The following RALY variants were observed in gnomAD, a reference collection of about 807,000 sequenced individuals.
RALY encodes the protein RNA-binding protein Raly.
A neutral mutation model predicts 30.7 loss-of-function variants in RALY; 15 were observed. That is an observed-to-expected ratio of 0.49 (90% CI 0.33 to 0.75). The LOEUF is 0.75. Ranked by LOEUF, RALY falls within the 30% of genes least tolerant of loss-of-function variation. RALY has a pLI of 0.02. For missense variants in RALY, 339 were observed against 414.3 expected, an observed-to-expected ratio of 0.82 and a Z score of 1.58; for synonymous variants, 177 against 170.8, an observed-to-expected ratio of 1.04 and a Z score of -0.28.
At chr20:34,023,177 C>T (rs1568661031) in intron 1 of RALY, among the ~76,000 whole-genome samples, 3 of 152,162 alleles carry the variant, frequency 2.0e-5, no homozygotes, top group Admixed American at 1.3e-4. Context: ...GTAATTTTTT[C>T]CCCTCATTTA....
intron 1 of RALY, among the ~76,000 whole-genome samples, chr20:33,998,749 G>A (rs2030761631): frequency 6.6e-6 from 1 of 152,204 alleles, no homozygotes; most frequent in South Asian, 2.1e-4. Context: ...ACTGTGGGCA[G>A]AGAGACCAGT....
intron 2 of RALY, among the ~76,000 whole-genome samples, chr20:34,032,505 TG>T (rs2032321761): frequency 3.0e-5 from 2 of 67,180 alleles, no homozygotes; most frequent in Non-Finnish European, 5.4e-5. Context: ...TCCCTTTTTG[TG>T]TGTTGGGGGG....
chr20:33,995,751 CTG>C (rs1303289869), intron 1 of RALY, among the ~76,000 whole-genome samples: 2 of 152,204 alleles, frequency 1.3e-5, no homozygotes, highest in African/African-American at 4.8e-5. Flanking sequence ...TCCCTGTTAA[CTG>C]AACCTTGGAA....
At chr20:33,998,609 CAGGAAAGGGCCTT>C (rs2122961979) in intron 1 of RALY, among the ~76,000 whole-genome samples, 1 of 152,192 alleles carries the variant, frequency 6.6e-6, no homozygotes, top group East Asian at 1.9e-4. Context: ...GAGGCCAAGT[CAGGAAAGGGCCTT>C]CTTGCCTGTG....
chr20:34,042,770 A>G (rs922684531), intron 2 of RALY, among the ~76,000 whole-genome samples: 3 of 152,232 alleles, frequency 2.0e-5, no homozygotes, highest in Non-Finnish European at 2.9e-5. Flanking sequence ...TATTAAAGGT[A>G]TATACCTTCT....
chr20:34,058,341 A>G (rs545468254), intron 2 of RALY, among the ~76,000 whole-genome samples: 2 of 152,284 alleles, frequency 1.3e-5, no homozygotes, highest in East Asian at 3.9e-4. Flanking sequence ...ATACCGTATT[A>G]CATGCTAATG....
rs1043554900 is a variant in RALY, at chr20:34,081,278, C to T, written c.*1373C>T. 1.3e-5 allele frequency: 2 copies of T among 152,180 alleles called. No homozygotes were observed. The highest frequency in any genetic ancestry group is 2.9e-5 in the Non-Finnish European group (2 of 68,122). The allele number at this position is 152,180 out of a possible 1,614,324, so 9.4% of individuals were successfully genotyped here. On this transcript the variant is annotated 3_prime_UTR_variant, in exon 10 of 10. Coordinates refer to ENST00000246194, the MANE Select transcript of RALY (RefSeq NM_016732.3). ...GTATGGAGCTGTGGGAGGGCAGCAC[C>T]CAGAAATAGGCTTTGTTCCAGGCCT...
chr20:34,054,814 T>C (rs568259853), intron 2 of RALY, among the ~76,000 whole-genome samples: 1 of 135,792 alleles, frequency 7.4e-6, no homozygotes, highest in South Asian at 2.2e-4. Context: ...TGAGACTGTC[T>C]CAAAAAAAAA....
chr20:34,022,448 C>T (rs1205680084), intron 1 of RALY, among the ~76,000 whole-genome samples: 2 of 152,144 alleles, frequency 1.3e-5, no homozygotes, highest in Non-Finnish European at 2.9e-5. Flanking sequence ...TACCTTTCCC[C>T]TCCATAACTG....
At chr20:34,073,436 C>G (rs1024093682) in intron 3 of RALY, 127 bp from the exon 4 acceptor site, 9 of 834,602 alleles carry the variant, frequency 1.1e-5, no homozygotes, top group Non-Finnish European at 2.0e-6. Flanking sequence ...TTTGTTGGCA[C>G]CATCAGTGAG....
At chr20:34,056,987 A>G (rs898718162) in intron 2 of RALY, among the ~76,000 whole-genome samples, 1 of 152,244 alleles carries the variant, frequency 6.6e-6, no homozygotes. Flanking sequence ...ATTGTTTATA[A>G]TAGTGAGAAA....
chr20:34,057,031 TATGATAA>T lies in RALY; in HGVS notation c.-9-15032_-9-15026del, dbSNP rs1351663014. 9.8e-5 allele frequency among the ~76,000 whole-genome samples: 15 copies of T among 152,310 alleles called. No individual in the cohort carries two copies. The East Asian group carries it at 1.7e-3, about 18-fold the overall frequency. On this transcript the variant is annotated intron_variant, in intron 2 of 9. Transcript: ENST00000246194. ...AGCCTAAAAGACCACCAATCTAAACTATGATAAATCTACTCAGGGAAAACCACGAGCT... is the reference window on the plus strand; with the variant it reads ...AGCCTAAAAGACCACCAATCTAAACTATCTACTCAGGGAAAACCACGAGCT...
intron 1 of RALY, among the ~76,000 whole-genome samples, chr20:33,995,590 T>A (rs1284643345): frequency 6.6e-6 from 1 of 152,166 alleles, no homozygotes; most frequent in African/African-American, 2.4e-5. Flanking sequence ...CTGGGCCAGG[T>A]CTTGAGGAGT....
chr20:34,029,866 T>A (rs2032204482), intron 1 of RALY: 1 of 152,296 alleles, frequency 6.6e-6, no homozygotes, highest in African/African-American at 2.4e-5. Flanking sequence ...TTGGAGCAAC[T>A]TTCATTCCCT....
chr20:33,996,750 C>T (rs1305132827), intron 1 of RALY, among the ~76,000 whole-genome samples: 1 of 152,114 alleles, frequency 6.6e-6, no homozygotes, highest in East Asian at 1.9e-4. Flanking sequence ...ATTATCTTCC[C>T]CAACTGAAAT....
chr20:34,024,751 A>G (rs1004348995), intron 1 of RALY, among the ~76,000 whole-genome samples: 6 of 152,042 alleles, frequency 3.9e-5, no homozygotes, highest in Admixed American at 1.3e-4. Flanking sequence ...TGCATTTTTT[A>G]TTATGTTGTG....
intron 2 of RALY, among the ~76,000 whole-genome samples, chr20:34,050,593 C>T (rs567734222): frequency 7.9e-5 from 12 of 152,324 alleles, no homozygotes; most frequent in African/African-American, 2.6e-4. Flanking sequence ...GTGTCTGTGC[C>T]TAGGCCCTTG....
chr20:34,047,777 C>T (rs995285769), intron 2 of RALY, among the ~76,000 whole-genome samples: 3 of 152,182 alleles, frequency 2.0e-5, no homozygotes, highest in Non-Finnish European at 2.9e-5. Flanking sequence ...AGGTGCCACA[C>T]AGTACCAGAT....
rs1555810268 is a variant in RALY at position 34,077,058 on chromosome 20, CCGGCGGCGG to C, written c.696_704del (p.Gly236_Gly238del). The C allele has an allele frequency of 1.9e-6, 3 of 1,589,112 alleles. No individual in the cohort carries two copies. Among genetic ancestry groups the C allele is most frequent in the East Asian group, 2.3e-5 (1 of 44,144 alleles). On this transcript the variant is annotated inframe_deletion, in exon 8 of 10. Coordinates refer to ENST00000246194, the MANE Select transcript of RALY (RefSeq NM_016732.3). ...AAGAAGAAGGGTGATGGAGGTGGCG[CCGGCGGCGG>C]CGGCGGTGGTGGTGGCAGCGGTGGC...
Sources: allele counts gnomAD v4.1 joint callset (sites outside exome capture counted in the v4.1 genomes callset), GRCh38; gene constraint gnomAD v4.1.1; transcripts MANE v1.5; gene names NCBI Gene and HGNC (gene_info 2026-07-23, HGNC 2026-07-21).